Variants in DMD observed in about 807,000 individuals in gnomAD.
DMD encodes the protein dystrophin, also known as mutant dystrophin.
DMD carries 63 observed loss-of-function variants against 330.1 expected under a neutral mutation model. That is an observed-to-expected ratio of 0.19 (90% CI 0.16 to 0.24). DMD has a LOEUF of 0.24. Ranked by LOEUF, DMD falls within the 10% of genes least tolerant of loss-of-function variation. The pLI, the probability that DMD is intolerant of heterozygous loss-of-function variation, is 1.00. For missense variants in DMD, 3,344 were observed against 2,684.1 expected (o/e 1.25, Z -5.43); for synonymous variants, 1,223 against 959.8 (o/e 1.27, Z -5.07).
intron 64 of DMD, among the ~76,000 whole-genome samples, chrX:31,214,943 T>TC (rs1396565537): frequency 1.8e-3 from 126 of 69,390 alleles, no homozygotes; most frequent in Non-Finnish European, 2.3e-3. Context: ...TTTTCTTTTT[T>TC]TTTTTTTTTT....
intron 62 of DMD, among the ~76,000 whole-genome samples, chrX:31,314,268 G>A (rs2055784281): frequency 8.9e-6 from 1 of 112,480 alleles, no homozygotes; most frequent in Admixed American, 9.4e-5. Flanking sequence ...CTGTCTAGCA[G>A]ATTACATGGA....
At chrX:32,299,491 C>A (rs2097512586) in intron 42 of DMD, among the ~76,000 whole-genome samples, 1 of 103,611 alleles carries the variant, frequency 9.7e-6, no homozygotes, top group African/African-American at 3.5e-5. Flanking sequence ...CTTTGTTATT[C>A]TTCAGACACA....
At chrX:32,107,934 C>A (rs1284356883) in intron 44 of DMD, among the ~76,000 whole-genome samples, 1 of 110,973 alleles carries the variant, frequency 9.0e-6, no homozygotes, top group Non-Finnish European at 1.9e-5. Context: ...ATTCCAGAAA[C>A]ATATTGACTG....
intron 74 of DMD, among the ~76,000 whole-genome samples, chrX:31,156,720 A>G (rs1193637243): frequency 1.8e-5 from 2 of 111,942 alleles, no homozygotes; most frequent in East Asian, 2.8e-4. Flanking sequence ...CTTTCTCTAT[A>G]TATTATTTAC....
chrX:32,029,260 C>T (rs1023297531), intron 44 of DMD, among the ~76,000 whole-genome samples: 2 of 111,367 alleles, frequency 1.8e-5, no homozygotes, highest in South Asian at 3.7e-4. Flanking sequence ...GAAACCTGAC[C>T]GACCTCATGC....
intron 7 of DMD, among the ~76,000 whole-genome samples, chrX:32,717,724 T>C (rs764029078): frequency 1.8e-5 from 2 of 110,927 alleles, no homozygotes; most frequent in South Asian, 7.7e-4. Context: ...CCCCAGTCAC[T>C]CAATGCCAGC....
chrX:31,192,544 T>C (rs2042478509), intron 67 of DMD, among the ~76,000 whole-genome samples: 2 of 111,935 alleles, frequency 1.8e-5, no homozygotes, highest in Non-Finnish European at 3.8e-5. Flanking sequence ...ACCCGGAAGA[T>C]CAGGTAAGAC....
intron 44 of DMD, among the ~76,000 whole-genome samples, chrX:32,190,175 G>C (rs1302665974): frequency 6.3e-5 from 7 of 110,781 alleles, no homozygotes; most frequent in African/African-American, 2.3e-4. Flanking sequence ...TAGTGGACAG[G>C]GCAGTCCACC....
intron 16 of DMD, among the ~76,000 whole-genome samples, 178 bp from the exon 17 acceptor site, chrX:32,545,512 T>A (rs1210584203): frequency 8.9e-6 from 1 of 112,038 alleles, no homozygotes; most frequent in East Asian, 2.8e-4. Context: ...TTAAGTTTGG[T>A]TCACTGAAAT....
intron 42 of DMD, among the ~76,000 whole-genome samples, chrX:32,290,586 A>C (rs1227697755): frequency 1.8e-5 from 2 of 112,287 alleles, no homozygotes; most frequent in Non-Finnish European, 3.8e-5. Flanking sequence ...ATTCTCAATA[A>C]ATTTGCTAAA....
intron 21 of DMD, among the ~76,000 whole-genome samples, chrX:32,479,100 C>T (rs942756314): frequency 9.0e-6 from 1 of 111,122 alleles, no homozygotes; most frequent in Non-Finnish European, 1.9e-5. Context: ...CTAAAAGCAG[C>T]TCTATCCACT....
In DMD at chrX:32,023,087, T is replaced by C. The variant is rs980700172; in HGVS notation, c.6439-54573A>G. Among the ~76,000 whole-genome samples, 3 of 111,290 alleles carry C rather than the reference T, an allele frequency of 2.7e-5. 1 individual carries two copies. On this transcript the variant is annotated intron_variant, in intron 44 of 78. Transcript: ENST00000357033. ...ACCTCATGATCCGCCCGCCTCGGCC[T>C]CCTGAAGCGCTGAGATTACAGGCAT...
chrX:33,160,341 G>A (rs746760094), intron 1 of DMD, among the ~76,000 whole-genome samples: 5 of 111,440 alleles, frequency 4.5e-5, no homozygotes, highest in African/African-American at 1.6e-4. Flanking sequence ...CTCTAGGGTG[G>A]ACTCAGCTAC....
intron 51 of DMD, among the ~76,000 whole-genome samples, chrX:31,732,500 A>G (rs1328322999): frequency 9.0e-6 from 1 of 111,459 alleles, no homozygotes; most frequent in Non-Finnish European, 1.9e-5. Flanking sequence ...AGTAACGATT[A>G]TTTTTCATTT....
intron 6 of DMD, among the ~76,000 whole-genome samples, chrX:32,812,756 C>T (rs1388770321): frequency 2.7e-5 from 3 of 112,168 alleles, no homozygotes; most frequent in African/African-American, 9.7e-5. Flanking sequence ...TCCAATACCC[C>T]TAACAGCTAA....
chrX:31,778,296 T>G lies in DMD; in HGVS notation c.7310-4104A>C, dbSNP rs145966807. Reference sequence around the variant, plus strand: ...ACCACTATTAGGTTTTGGAGGATTTTGAAAGTGTCTAGAGGATAGCTGATA... The same window carrying G: ...ACCACTATTAGGTTTTGGAGGATTTGGAAAGTGTCTAGAGGATAGCTGATA... On this transcript the variant is annotated intron_variant, in intron 50 of 78. Coordinates refer to ENST00000357033, the MANE Select transcript of DMD (RefSeq NM_004006.3). 1.7e-3 allele frequency among the ~76,000 whole-genome samples: 185 copies of G among 111,686 alleles called. No homozygotes were observed. In the East Asian group the frequency reaches 0.041, roughly 25 times the overall value.
At chrX:32,704,951 T>A (rs1470145586) in intron 7 of DMD, among the ~76,000 whole-genome samples, 2 of 112,252 alleles carry the variant, frequency 1.8e-5, no homozygotes, top group Non-Finnish European at 3.8e-5. Context: ...ACGAAGAGAT[T>A]TATGTTATAA....
At chrX:31,174,168 C>T (rs761041325) in intron 71 of DMD, among the ~76,000 whole-genome samples, 52 of 111,449 alleles carry the variant, frequency 4.7e-4, no homozygotes, top group African/African-American at 1.6e-3. Context: ...AGCAGCAAGA[C>T]TATACCACTA....
rs1601911520 is a variant in DMD, at chrX:31,119,500, A to G, written c.*2419T>C. ...ATTTACAGTTTAATACTTGGTGGTT[A>G]TAAAGAACACAACACGAAATAATGT... On this transcript the variant is annotated 3_prime_UTR_variant, in exon 79 of 79. Coordinates refer to ENST00000357033, the MANE Select transcript of DMD (RefSeq NM_004006.3). The G allele has an allele frequency of 8.9e-6, 1 of 112,697 alleles. No individual in the cohort carries two copies. Among genetic ancestry groups the G allele is most frequent in the East Asian group, 2.8e-4 (1 of 3,632 alleles). 9.3% of individuals were successfully genotyped at this position (112,697 alleles called of 1,213,427 possible). A position where few individuals can be genotyped will look rare whatever the true frequency, so the allele number is the denominator to read the frequency against.
Sources: gnomAD v4.1 joint callset for allele counts (sites outside exome capture counted in the v4.1 genomes callset) on GRCh38, gnomAD v4.1.1 for gene constraint, MANE v1.5 for transcripts, NCBI Gene and HGNC (gene_info 2026-07-23, HGNC 2026-07-21) for gene names.